The following CCDC198 variants were observed in gnomAD, a reference collection of about 807,000 sequenced individuals.
CCDC198 encodes the protein factor associated with metabolism and energy.
In CCDC198, 18 loss-of-function variants were observed where a neutral mutation model predicts 35.6. The observed-to-expected ratio is 0.51, with a 90% CI of 0.35 to 0.75. The LOEUF (loss-of-function observed/expected upper bound fraction) is 0.75. CCDC198 is among the 30% of genes least tolerant of loss of function. CCDC198 has a pLI of 0.01. For synonymous variants in CCDC198, 119 were observed against 113.4 expected, an observed-to-expected ratio of 1.05 and a Z score of -0.31; for missense variants, 365 against 343.7, an observed-to-expected ratio of 1.06 and a Z score of -0.49.
At chr14:57,483,903 A>C (rs188058835) in intron 2 of CCDC198, among the ~76,000 whole-genome samples, 1 of 152,348 alleles carries the variant, frequency 6.6e-6, no homozygotes, top group Admixed American at 6.5e-5. Flanking sequence ...TGACTGCTAC[A>C]TGCCAGACAT....
intron 2 of CCDC198, 30 bp from the exon 3 acceptor site, chr14:57,483,181 A>T: frequency 1.2e-6 from 2 of 1,613,968 alleles, no homozygotes; most frequent in Non-Finnish European, 1.7e-6. Flanking sequence ...AGCAGTCAGC[A>T]TTCCTCATGC....
intron 1 of CCDC198, among the ~76,000 whole-genome samples, chr14:57,491,653 T>C (rs142569865): frequency 6.6e-6 from 1 of 152,140 alleles, no homozygotes; most frequent in East Asian, 1.9e-4. Flanking sequence ...AAGCTGGGGA[T>C]ACAGAGTTAA....
At chr14:57,493,441 A>G in intron 1 of CCDC198, 52 bp downstream of exon 1, 1 of 1,446,208 alleles carries the variant, frequency 6.9e-7, no homozygotes, top group South Asian at 1.1e-5. Flanking sequence ...AAACCTATTA[A>G]TAATGCTCCT....
intron 2 of CCDC198, among the ~76,000 whole-genome samples, chr14:57,485,769 C>A (rs1327480510): frequency 6.6e-6 from 1 of 152,126 alleles, no homozygotes; most frequent in Non-Finnish European, 1.5e-5. Context: ...AAAGAAGAGA[C>A]AACAAGGGGG....
At chr14:57,487,256 G>A (rs2067395907) in intron 2 of CCDC198, among the ~76,000 whole-genome samples, 1 of 152,130 alleles carries the variant, frequency 6.6e-6, no homozygotes, top group African/African-American at 2.4e-5. Context: ...TGGATTATTT[G>A]ACTTCTCAAA....
intron 4 of CCDC198, 72 bp downstream of exon 4, chr14:57,481,487 G>A (rs1275549599): frequency 2.9e-6 from 3 of 1,044,268 alleles, no homozygotes; most frequent in Non-Finnish European, 4.4e-6. Context: ...ATCTATGCTT[G>A]ATATATTCAT....
intron 2 of CCDC198, among the ~76,000 whole-genome samples, chr14:57,488,234 A>G (rs562781098): frequency 1.3e-5 from 2 of 152,302 alleles, no homozygotes; most frequent in Admixed American, 1.3e-4. Context: ...AGGGATTGAG[A>G]GAGCTCTGCA....
rs1356821976 is a variant in CCDC198 at position 57,491,079 on chromosome 14, GA to G, written c.224-9del. The G allele has an allele frequency of 1.9e-6, 3 of 1,608,582 alleles. No individual in the cohort carries two copies. The highest frequency in any genetic ancestry group is 2.5e-6 in the Non-Finnish European group (3 of 1,176,600). On this transcript the variant is annotated splice_polypyrimidine_tract_variant and intron_variant, in intron 1 of 5. Coordinates refer to ENST00000216445, the MANE Select transcript of CCDC198 (RefSeq NM_018168.4). The stretch of plus-strand genomic sequence containing the variant: ...AATACATGTCTCTGGATGCTTGAAG[GA>G]TTGGGGAAGAAACAGGAATAAAACA...
chr14:57,481,653 AG>A lies in CCDC198; in HGVS notation c.400del (p.Leu134Ter). ...ARTMHKAKQV[L>X]EKKMQTPMYT... ...CATTGGAGTTTGCATTTTCTTTTCT[AG>A]TACCTGCTATGAAAGACAACACACT... On this transcript the variant is annotated frameshift_variant, in exon 4 of 6. Coordinates refer to ENST00000216445, the MANE Select transcript of CCDC198 (RefSeq NM_018168.4). LOFTEE classifies it high-confidence loss of function. 6.3e-7 allele frequency: 1 copy of A among 1,599,592 alleles called. No homozygotes were observed. The highest frequency in any genetic ancestry group is 1.3e-5 in the African/African-American group (1 of 74,768).
intron 2 of CCDC198, among the ~76,000 whole-genome samples, chr14:57,484,403 C>A (rs1219886124): frequency 2.0e-5 from 3 of 152,166 alleles, no homozygotes; most frequent in Non-Finnish European, 4.4e-5. Context: ...TGCCAGAAAA[C>A]TACCTAAAGC....
rs2067546656 is a variant in CCDC198 at position 57,490,983 on chromosome 14, T to C, written c.306+6A>G. On this transcript the variant is annotated splice_donor_region_variant and intron_variant, in intron 2 of 5. Coordinates refer to ENST00000216445, the MANE Select transcript of CCDC198 (RefSeq NM_018168.4). ...TTCCTTATGAAGCCTTTTAAATTCA[T>C]CTTACTTGAAGTCTTTGGGGTGGAT... 1 of 1,563,570 alleles carries C rather than the reference T, an allele frequency of 6.4e-7. No homozygotes were observed. The highest frequency in any genetic ancestry group is 1.7e-5 in the Admixed American group (1 of 59,496).
In CCDC198 at chr14:57,470,711, C is replaced by T. The variant is rs2066798318; in HGVS notation, c.*644G>A. The T allele has an allele frequency of 6.6e-6, 1 of 152,378 alleles. No individual in the cohort carries two copies. The highest frequency in any genetic ancestry group is 3.4e-3 in the Middle Eastern group (1 of 294). The allele number at this position is 152,378 out of a possible 1,614,324, so 9.4% of individuals were successfully genotyped here. On this transcript the variant is annotated 3_prime_UTR_variant, in exon 6 of 6. Coordinates refer to ENST00000216445, the MANE Select transcript of CCDC198 (RefSeq NM_018168.4). ...GGTGGCAAATGTCAAAGATGAACCC[C>T]AAAGGACCACACTTTGGCACTCATG...
At chr14:57,475,120 GCA>G (rs2066932805) in intron 5 of CCDC198, among the ~76,000 whole-genome samples, 9 of 151,730 alleles carry the variant, frequency 5.9e-5, no homozygotes, top group Admixed American at 3.9e-4. Flanking sequence ...AATTAGCCGG[GCA>G]TGGTGGCGGG....
At chr14:57,483,538 A>G (rs1265783405) in intron 2 of CCDC198, among the ~76,000 whole-genome samples, 10 of 152,228 alleles carry the variant, frequency 6.6e-5, no homozygotes, top group Non-Finnish European at 1.5e-4. Context: ...ACCCAGCTGA[A>G]CTATTCCAGC....
chr14:57,493,672 A>G lies in CCDC198; in HGVS notation c.44T>C (p.Val15Ala). 1 of 1,613,780 alleles carries G rather than the reference A, an allele frequency of 6.2e-7. No individual in the cohort carries two copies. The highest frequency in any genetic ancestry group is 8.5e-7 in the Non-Finnish European group (1 of 1,179,878). The change falls in exon 1 of 6, where the codon GTA becomes GCA. Residue 15 changes from valine (V) to alanine (A), a missense_variant. Val to Ala is a moderately conservative substitution (Grantham distance 64). Coordinates refer to ENST00000216445, the MANE Select transcript of CCDC198 (RefSeq NM_018168.4). ...HSKTHLRVIK[V>A]APLQNKEVET... ...TACCTCTTTGTTTTGCAAAGGTGCT[A>G]CTTTGATCACCCTAAGGTGAGTCTT...
chr14:57,478,375 T>C (rs1313906359), intron 5 of CCDC198: 1 of 802,206 alleles, frequency 1.2e-6, no homozygotes, highest in African/African-American at 1.9e-5. Flanking sequence ...TAGTAGCTCC[T>C]ACCTTCTAGG....
intron 2 of CCDC198, among the ~76,000 whole-genome samples, chr14:57,488,926 G>GAA (rs2139550935): frequency 6.6e-6 from 1 of 152,270 alleles, no homozygotes; most frequent in Non-Finnish European, 1.5e-5. Flanking sequence ...CTGTTAGTGG[G>GAA]AGTGTAAATT....
intron 2 of CCDC198, among the ~76,000 whole-genome samples, chr14:57,484,842 G>A (rs1283210125): frequency 6.6e-6 from 1 of 152,156 alleles, no homozygotes; most frequent in Non-Finnish European, 1.5e-5. Context: ...TTTTAAAAAG[G>A]GTCATGCTGG....
At position 57,476,882 on chromosome 14, in the gene CCDC198, C is replaced by T. The variant is rs374035851; in HGVS notation, c.655+3713G>A. Among the ~76,000 whole-genome samples, 234 of 152,284 alleles carry T rather than the reference C, an allele frequency of 1.5e-3. 3 individuals carry two copies. Among genetic ancestry groups the T allele is most frequent in the African/African-American group, 5.2e-3 (217 of 41,560 alleles). On this transcript the variant is annotated intron_variant, in intron 5 of 5. Coordinates refer to ENST00000216445, the MANE Select transcript of CCDC198 (RefSeq NM_018168.4). ...GAGAAAGCGAACTACTTTTAGAAGG[C>T]GTGGAAAGAAATCAAAGATGCTCTC...
Sources: gnomAD v4.1 joint callset for allele counts (sites outside exome capture counted in the v4.1 genomes callset) on GRCh38, gnomAD v4.1.1 for gene constraint, MANE v1.5 for transcripts, NCBI Gene and HGNC (gene_info 2026-07-23, HGNC 2026-07-21) for gene names.